GABRB3: variants seen among roughly 807,000 people sequenced by gnomAD.
GABRB3 encodes the protein gamma-aminobutyric acid receptor subunit beta-3.
GABRB3 carries 14 observed loss-of-function variants against 52.1 expected under a neutral mutation model. The ratio of observed to expected loss-of-function variants is 0.27; its 90% CI spans 0.18 to 0.42. GABRB3 has a LOEUF of 0.42. GABRB3 is among the 10% of genes least tolerant of loss of function. The pLI, the probability that GABRB3 is intolerant of heterozygous loss-of-function variation, is 1.00. For missense variants in GABRB3, 307 were observed against 609.1 expected (o/e 0.50, Z 5.22); for synonymous variants, 260 against 232.3 (o/e 1.12, Z -1.08).
At chr15:26,585,487 T>G (rs1437748337) in intron 4 of GABRB3, among the ~76,000 whole-genome samples, 1 of 151,140 alleles carries the variant, frequency 6.6e-6, no homozygotes, top group Admixed American at 6.6e-5. Flanking sequence ...TACCCTAAAC[T>G]CAGGTGATAA....
At chr15:26,725,843 A>AACAT (rs1889757749) in intron 3 of GABRB3, among the ~76,000 whole-genome samples, 6 of 152,226 alleles carry the variant, frequency 3.9e-5, no homozygotes, top group Non-Finnish European at 8.8e-5. Flanking sequence ...CATGAAACAA[A>AACAT]GTTTGCATAT....
intron 3 of GABRB3, among the ~76,000 whole-genome samples, chr15:26,626,065 C>G (rs1892681800): frequency 6.6e-6 from 1 of 152,152 alleles, no homozygotes; most frequent in African/African-American, 2.4e-5. Context: ...ACAGCATATG[C>G]TCACTTCATG....
intron 3 of GABRB3, among the ~76,000 whole-genome samples, chr15:26,690,526 C>A (rs1256387067): frequency 6.6e-6 from 1 of 152,012 alleles, no homozygotes; most frequent in Non-Finnish European, 1.5e-5. Flanking sequence ...TCACTCAGCC[C>A]TGGCCTGTTG....
intron 3 of GABRB3, among the ~76,000 whole-genome samples, chr15:26,745,090 A>G (rs1269325729): frequency 1.3e-5 from 2 of 152,068 alleles, no homozygotes; most frequent in African/African-American, 4.8e-5. Flanking sequence ...GGGAGGTGCC[A>G]CACGCTTCAT....
chr15:26,597,568 C>T (rs1891439559), intron 4 of GABRB3, among the ~76,000 whole-genome samples: 1 of 152,120 alleles, frequency 6.6e-6, no homozygotes, highest in Non-Finnish European at 1.5e-5. Context: ...CTGGATTTAT[C>T]ATGGATCCTC....
At position 26,554,207 on chromosome 15, in the gene GABRB3, A is replaced by ATATATATATTTATTTATT. The variant is rs1348288306; in HGVS notation, c.1081-6074_1081-6073insAATAAATAAATATATATA. On this transcript the variant is annotated intron_variant, in intron 8 of 8. Coordinates refer to ENST00000311550, the MANE Select transcript of GABRB3 (RefSeq NM_000814.6). ...ATATATATACTATATATATATATAT[A>ATATATATATTTATTTATT]TAGTAGAAACAAGGTCTCTCTTTGT... Among the ~76,000 whole-genome samples the ATATATATATTTATTTATT allele has an allele frequency of 1.3e-3, 75 of 57,828 alleles. 7 individuals are homozygous for ATATATATATTTATTTATT. The highest frequency in any genetic ancestry group is 2.5e-3 in the South Asian group (4 of 1,612). The allele number at this position is 57,828 out of a possible 152,430, so 37.9% of individuals were successfully genotyped here.
At chr15:26,646,334 C>T (rs1414958813) in intron 3 of GABRB3, among the ~76,000 whole-genome samples, 1 of 152,164 alleles carries the variant, frequency 6.6e-6, no homozygotes, top group Admixed American at 6.5e-5. Flanking sequence ...TGGTGCCTGG[C>T]TTCTTTCACT....
At chr15:26,681,763 A>C (rs1430085188) in intron 3 of GABRB3, among the ~76,000 whole-genome samples, 1 of 152,086 alleles carries the variant, frequency 6.6e-6, no homozygotes, top group Non-Finnish European at 1.5e-5. Flanking sequence ...GGAGTTTGAG[A>C]CTAGCCTGGG....
intron 8 of GABRB3, among the ~76,000 whole-genome samples, chr15:26,557,157 A>C (rs1889784219): frequency 6.6e-6 from 1 of 152,196 alleles, no homozygotes; most frequent in African/African-American, 2.4e-5. Context: ...CATTATCCTA[A>C]GGTAACTAAC....
intron 3 of GABRB3, among the ~76,000 whole-genome samples, chr15:26,688,109 T>C (rs1332275321): frequency 1.3e-5 from 2 of 152,160 alleles, no homozygotes; most frequent in African/African-American, 4.8e-5. Context: ...AGTGGAAAGC[T>C]CAAAATCTGT....
chr15:26,647,769 A>AAAGGCAGGAT lies in GABRB3; in HGVS notation c.241-26245_241-26236dup, dbSNP rs146022627. On this transcript the variant is annotated intron_variant, in intron 3 of 8. Transcript: ENST00000311550. Reference sequence around the variant, plus strand: ...CAGCAGGACCTGTGGGACTGTTAGAAAAGGCAGGATAAGGCAGGATCCCAG... The same window carrying AAAGGCAGGAT: ...CAGCAGGACCTGTGGGACTGTTAGAAAAGGCAGGATAAGGCAGGATAAGGCAGGATCCCAG... Among the ~76,000 whole-genome samples, 663 of 152,282 alleles carry AAAGGCAGGAT rather than the reference A, an allele frequency of 4.4e-3. 2 individuals carry two copies. Among genetic ancestry groups the AAAGGCAGGAT allele is most frequent in the African/African-American group, 0.015 (628 of 41,548 alleles).
At chr15:26,628,894 C>G in intron 3 of GABRB3, 1 of 1,376,862 alleles carries the variant, frequency 7.3e-7, no homozygotes, top group Non-Finnish European at 1.0e-6. Flanking sequence ...CTTGGAAATC[C>G]GAGCTGGGAG....
chr15:26,551,710 G>C (rs533053589), intron 8 of GABRB3, among the ~76,000 whole-genome samples: 154 of 152,274 alleles, frequency 1.0e-3, no homozygotes, highest in Non-Finnish European at 1.7e-3. Flanking sequence ...TGTCACCGCG[G>C]GGTCTTCCTT....
At chr15:26,650,236 G>A (rs1887153859) in intron 3 of GABRB3, among the ~76,000 whole-genome samples, 1 of 152,164 alleles carries the variant, frequency 6.6e-6, no homozygotes, top group Non-Finnish European at 1.5e-5. Context: ...TGAGAAAGAT[G>A]AGTATTGGGT....
chr15:26,696,624 C>G (rs1054648697), intron 3 of GABRB3, among the ~76,000 whole-genome samples: 12 of 152,128 alleles, frequency 7.9e-5, no homozygotes, highest in Admixed American at 2.0e-4. Flanking sequence ...CAACAGTTAC[C>G]TGAATCTAGA....
chr15:26,766,429 A>G lies in GABRB3; in HGVS notation c.240+5973T>C, dbSNP rs370410905. On this transcript the variant is annotated intron_variant, in intron 3 of 8. Coordinates refer to ENST00000311550, the MANE Select transcript of GABRB3 (RefSeq NM_000814.6). ...AGATGTGACACCCTAGGAGAACTCT[A>G]CACCTGCTATTGACACTTCTCAATT... 7.2e-5 allele frequency among the ~76,000 whole-genome samples: 11 copies of G among 152,288 alleles called. No individual in the cohort carries two copies. The South Asian group carries it at 1.2e-3, about 17-fold the overall frequency.
At chr15:26,737,959 C>T (rs1890106597) in intron 3 of GABRB3, among the ~76,000 whole-genome samples, 1 of 152,136 alleles carries the variant, frequency 6.6e-6, no homozygotes. Context: ...GGGCACGAGT[C>T]CTTGTCTAAG....
At chr15:26,734,690 C>G (rs1890021692) in intron 3 of GABRB3, among the ~76,000 whole-genome samples, 1 of 141,836 alleles carries the variant, frequency 7.1e-6, no homozygotes, top group African/African-American at 2.6e-5. Context: ...GTAATCCCAA[C>G]ACTTTGGGAA....
chr15:26,772,513 G>T, intron 2 of GABRB3, 44 bp from the exon 3 acceptor site: 1 of 1,592,968 alleles, frequency 6.3e-7, no homozygotes, highest in East Asian at 2.3e-5. Context: ...GCTCCGGCGC[G>T]GGGCGCGGGC....
Sources: gnomAD v4.1 joint callset for allele counts (sites outside exome capture counted in the v4.1 genomes callset) on GRCh38, gnomAD v4.1.1 for gene constraint, MANE v1.5 for transcripts, NCBI Gene and HGNC (gene_info 2026-07-23, HGNC 2026-07-21) for gene names.